Variants in LDB2 observed in about 807,000 individuals in gnomAD.
LDB2 encodes the protein LIM domain-binding protein 2.
A neutral mutation model predicts 44.3 loss-of-function variants in LDB2; 12 were observed. That is an observed-to-expected ratio of 0.27 (90% CI 0.17 to 0.44). The LOEUF is 0.44. Ranked by LOEUF, LDB2 falls within the 20% of genes least tolerant of loss-of-function variation. The pLI is 1.00. For synonymous variants in LDB2, 164 were observed against 174.8 expected (o/e 0.94, Z 0.49); for missense variants, 344 against 473.5 (o/e 0.73, Z 2.54).
At chr4:16,642,914 G>C (rs1180926619) in intron 2 of LDB2, among the ~76,000 whole-genome samples, 1 of 152,190 alleles carries the variant, frequency 6.6e-6, no homozygotes, top group African/African-American at 2.4e-5. Context: ...TTGTAGAGGG[G>C]TGGCAAGAAG....
chr4:16,613,528 C>T (rs560659183), intron 2 of LDB2, among the ~76,000 whole-genome samples: 2 of 152,190 alleles, frequency 1.3e-5, no homozygotes, highest in South Asian at 2.1e-4. Context: ...CCCATCATCT[C>T]AGCCCCCAAA....
chr4:16,535,084 C>T (rs1253699818), intron 5 of LDB2, among the ~76,000 whole-genome samples: 2 of 152,172 alleles, frequency 1.3e-5, no homozygotes, highest in Non-Finnish European at 2.9e-5. Context: ...CAGGCTTTTC[C>T]ATGCATCTGG....
At chr4:16,746,589 T>G (rs113526062) in intron 2 of LDB2, among the ~76,000 whole-genome samples, 4 of 152,168 alleles carry the variant, frequency 2.6e-5, no homozygotes, top group East Asian at 3.9e-4. Context: ...GAGTTTGAGA[T>G]CAGCCTGGCC....
At chr4:16,805,893 G>T (rs1217141344) in intron 1 of LDB2, among the ~76,000 whole-genome samples, 3 of 152,146 alleles carry the variant, frequency 2.0e-5, no homozygotes, top group Non-Finnish European at 4.4e-5. Context: ...TCTTCTCTCT[G>T]CTCTCAGGCA....
chr4:16,623,458 G>A (rs1447149486), intron 2 of LDB2, among the ~76,000 whole-genome samples: 2 of 152,110 alleles, frequency 1.3e-5, no homozygotes, highest in Non-Finnish European at 2.9e-5. Context: ...TTAGCCAGGC[G>A]TGGTGCCACA....
rs558716138 is a variant in LDB2, at chr4:16,564,984, A to G, written c.615+20938T>C. Reference sequence around the variant, plus strand: ...TCAACTGAATTTCTCGTTTGAATCCAATTCTCCTTTACAATTACAAGAAAT... The same window carrying G: ...TCAACTGAATTTCTCGTTTGAATCCGATTCTCCTTTACAATTACAAGAAAT... On this transcript the variant is annotated intron_variant, in intron 5 of 7. Transcript: ENST00000304523. Among the ~76,000 whole-genome samples, 9 of 152,380 alleles carry G rather than the reference A, an allele frequency of 5.9e-5. No individual in the cohort carries two copies. The East Asian group carries it at 1.7e-3, about 29-fold the overall frequency.
intron 2 of LDB2, among the ~76,000 whole-genome samples, chr4:16,612,943 A>G (rs565369578): frequency 6.6e-6 from 1 of 152,346 alleles, no homozygotes; most frequent in Non-Finnish European, 1.5e-5. Context: ...CATTGATGCG[A>G]AAATCCTCAA....
At chr4:16,883,707 T>G (rs1160489412) in intron 1 of LDB2, among the ~76,000 whole-genome samples, 1 of 152,198 alleles carries the variant, frequency 6.6e-6, no homozygotes, top group Admixed American at 6.5e-5. Context: ...CGTGGGGTCC[T>G]CCTGCCAGGC....
chr4:16,854,780 T>C (rs1188218265), intron 1 of LDB2, among the ~76,000 whole-genome samples: 1 of 151,626 alleles, frequency 6.6e-6, no homozygotes, highest in Non-Finnish European at 1.5e-5. Flanking sequence ...AAGAGTGATA[T>C]ACGCTATATT....
chr4:16,642,374 C>T (rs1226239330), intron 2 of LDB2, among the ~76,000 whole-genome samples: 2 of 152,028 alleles, frequency 1.3e-5, no homozygotes, highest in Non-Finnish European at 1.5e-5. Flanking sequence ...CACAAAAACC[C>T]ACTCCTAATG....
Position 16,785,865 on chromosome 4 carries a change from A to G in LDB2, c.133-26605T>C, listed in dbSNP as rs201114385. ...CATTAGGTATTTTTGCTTATCCAGAAAGGTTAAAAACTCTTATGACCCTCA... is the reference window on the plus strand; with the variant it reads ...CATTAGGTATTTTTGCTTATCCAGAGAGGTTAAAAACTCTTATGACCCTCA... On this transcript the variant is annotated intron_variant, in intron 1 of 7. Transcript: ENST00000304523. Among the ~76,000 whole-genome samples, 17 of 152,246 alleles carry G rather than the reference A, an allele frequency of 1.1e-4. No homozygotes were observed. In the East Asian group the frequency reaches 2.7e-3, roughly 24 times the overall value.
chr4:16,666,279 G>A (rs1743180533), intron 2 of LDB2, among the ~76,000 whole-genome samples: 1 of 152,156 alleles, frequency 6.6e-6, no homozygotes, highest in Admixed American at 6.5e-5. Context: ...GCTCACACGG[G>A]AGCAATAATC....
chr4:16,800,199 G>T (rs570975479), intron 1 of LDB2, among the ~76,000 whole-genome samples: 74 of 152,200 alleles, frequency 4.9e-4, no homozygotes, highest in African/African-American at 1.6e-3. Context: ...AGATTCAAGG[G>T]TGTCCTGTCC....
At chr4:16,510,169 G>A (rs762676324) in intron 6 of LDB2, among the ~76,000 whole-genome samples, 1 of 152,114 alleles carries the variant, frequency 6.6e-6, no homozygotes, top group Non-Finnish European at 1.5e-5. Flanking sequence ...TGCCACTTCT[G>A]GTGGACAATG....
chr4:16,833,665 C>A (rs1219280472), intron 1 of LDB2, among the ~76,000 whole-genome samples: 2 of 152,028 alleles, frequency 1.3e-5, no homozygotes, highest in African/African-American at 4.8e-5. Flanking sequence ...GCCTCAGCCT[C>A]CCGAGTAGCT....
chr4:16,771,665 C>T (rs888360783), intron 1 of LDB2, among the ~76,000 whole-genome samples: 1 of 152,204 alleles, frequency 6.6e-6, no homozygotes, highest in Non-Finnish European at 1.5e-5. Flanking sequence ...CTTACCCTAA[C>T]TCCACACCTC....
intron 1 of LDB2, among the ~76,000 whole-genome samples, chr4:16,875,118 G>A (rs549875141): frequency 6.6e-6 from 1 of 152,218 alleles, no homozygotes; most frequent in Admixed American, 6.5e-5. Flanking sequence ...GTATTCACTG[G>A]ACAGCAAGGC....
intron 1 of LDB2, among the ~76,000 whole-genome samples, chr4:16,893,788 ATT>A (rs58010923): frequency 0.054 from 7,987 of 148,702 alleles, 304 homozygotes; most frequent in African/African-American, 0.093. Context: ...TGTTTATGGT[ATT>A]TTTTTTTTTA....
chr4:16,709,716 C>A (rs928644574), intron 2 of LDB2, among the ~76,000 whole-genome samples: 1 of 152,148 alleles, frequency 6.6e-6, no homozygotes, highest in Non-Finnish European at 1.5e-5. Flanking sequence ...AAGATTTCAA[C>A]TTCTACTGAA....
Sources: gnomAD v4.1 joint callset for allele counts (sites outside exome capture counted in the v4.1 genomes callset) on GRCh38, gnomAD v4.1.1 for gene constraint, MANE v1.5 for transcripts, NCBI Gene and HGNC (gene_info 2026-07-23, HGNC 2026-07-21) for gene names.